Variants in ENTREP2 observed in about 807,000 individuals in gnomAD.
ENTREP2 encodes protein ENTREP2.
the ENTREP2 span, among the ~76,000 whole-genome samples, chr15:29,493,016 G>A: frequency 2.8e-5 from 4 of 144,552 alleles, no homozygotes; most frequent in Admixed American, 1.4e-4. Context: ...AAAAAAAAAA[G>A]TTTTTGTTGA....
the ENTREP2 span, among the ~76,000 whole-genome samples, chr15:29,180,930 G>A: frequency 3.3e-5 from 5 of 151,276 alleles, no homozygotes; most frequent in African/African-American, 4.9e-5. Flanking sequence ...AAAGAAAAAG[G>A]AATTTGGAAG....
At chr15:29,119,288 T>C in the ENTREP2 span, among the ~76,000 whole-genome samples, 2 of 52,784 alleles carry the variant, frequency 3.8e-5, 1 homozygote, top group Non-Finnish European at 1.5e-4. Flanking sequence ...GATGAGTTCA[T>C]GTCCTTTGTA....
the ENTREP2 span, among the ~76,000 whole-genome samples, chr15:29,283,627 A>T: frequency 6.6e-6 from 1 of 152,196 alleles, no homozygotes. Context: ...GCAGCACAGC[A>T]AACTCATGTG....
chr15:29,464,713 G>A, the ENTREP2 span, among the ~76,000 whole-genome samples: 3 of 152,196 alleles, frequency 2.0e-5, no homozygotes, highest in Non-Finnish European at 2.9e-5. Flanking sequence ...AGGAGGCGAT[G>A]TGGAGGGGCC....
the ENTREP2 span, among the ~76,000 whole-genome samples, chr15:29,284,720 G>A: frequency 6.6e-6 from 1 of 152,116 alleles, no homozygotes; most frequent in Non-Finnish European, 1.5e-5. Context: ...TCAATGATTG[G>A]ACCTGCAGTC....
the ENTREP2 span, among the ~76,000 whole-genome samples, chr15:29,542,494 C>T: frequency 1.3e-5 from 2 of 151,012 alleles, no homozygotes; most frequent in South Asian, 2.1e-4. Context: ...TTAGTAGAGA[C>T]GGGGTTTCAC....
At chr15:29,261,422 T>C in the ENTREP2 span, among the ~76,000 whole-genome samples, 1 of 152,136 alleles carries the variant, frequency 6.6e-6, no homozygotes, top group African/African-American at 2.4e-5. Context: ...CGCTTGACTG[T>C]AGTCTGAGCT....
the ENTREP2 span, among the ~76,000 whole-genome samples, chr15:29,399,930 G>A: frequency 1.3e-5 from 2 of 152,184 alleles, no homozygotes; most frequent in Non-Finnish European, 2.9e-5. Flanking sequence ...AGGAGGAAGA[G>A]GAGGGCTCAG....
At chr15:29,491,808 T>G in the ENTREP2 span, among the ~76,000 whole-genome samples, 372 of 152,326 alleles carry the variant, frequency 2.4e-3, no homozygotes, top group African/African-American at 8.7e-3. Context: ...CCAATCATGG[T>G]CATCTCCTGC....
chr15:29,523,107 G>T, the ENTREP2 span, among the ~76,000 whole-genome samples: 1 of 152,232 alleles, frequency 6.6e-6, no homozygotes, highest in East Asian at 1.9e-4. Context: ...TTGAGGCTTT[G>T]CACAAGCAGG....
chr15:29,563,240 T>C, the ENTREP2 span, among the ~76,000 whole-genome samples: 1 of 152,264 alleles, frequency 6.6e-6, no homozygotes, highest in African/African-American at 2.4e-5. Flanking sequence ...TAAATATTTA[T>C]GCTATTCTAT....
At chr15:29,551,555 A>AT in the ENTREP2 span, among the ~76,000 whole-genome samples, 1 of 152,228 alleles carries the variant, frequency 6.6e-6, no homozygotes, top group African/African-American at 2.4e-5. Flanking sequence ...ACTGTGCATC[A>AT]TAAGATACCA....
chr15:29,592,512 C>T, the ENTREP2 span, among the ~76,000 whole-genome samples: 1 of 151,314 alleles, frequency 6.6e-6, no homozygotes, highest in African/African-American at 2.4e-5. Flanking sequence ...AAGCTCACTC[C>T]CATGATAAAG....
the ENTREP2 span, among the ~76,000 whole-genome samples, chr15:29,663,614 C>CA: frequency 6.6e-6 from 1 of 151,742 alleles, no homozygotes; most frequent in South Asian, 2.1e-4. Flanking sequence ...ATCGCAAGGA[C>CA]AAAAAACCAA....
chr15:29,470,677 C>T, the ENTREP2 span, among the ~76,000 whole-genome samples: 76,894 of 151,992 alleles, frequency 0.51, 20,553 homozygotes, highest in African/African-American at 0.7. Context: ...GACTCTTCCA[C>T]AGCATCCTGA....
the ENTREP2 span, among the ~76,000 whole-genome samples, chr15:29,333,695 A>G: frequency 1.3e-5 from 2 of 152,258 alleles, no homozygotes; most frequent in African/African-American, 4.8e-5. Context: ...TGGTTATCCT[A>G]TGTTATGGGG....
chr15:29,328,014 A>G, the ENTREP2 span, among the ~76,000 whole-genome samples: 5 of 152,262 alleles, frequency 3.3e-5, no homozygotes, highest in Non-Finnish European at 7.3e-5. Context: ...TTTAATTGCC[A>G]AAAACTGTAA....
At chr15:29,603,126 A>T in the ENTREP2 span, among the ~76,000 whole-genome samples, 1 of 152,168 alleles carries the variant, frequency 6.6e-6, no homozygotes, top group African/African-American at 2.4e-5. Flanking sequence ...ATGGCAGAAG[A>T]GTCACAAAGG....
the ENTREP2 span, chr15:29,252,414 G>C: frequency 6.4e-7 from 1 of 1,551,208 alleles, no homozygotes; most frequent in Non-Finnish European, 8.7e-7. Context: ...ATTCTGACAA[G>C]AGAGAATTGA....
Sources: gnomAD v4.1 joint callset for allele counts (sites outside exome capture counted in the v4.1 genomes callset) on GRCh38, gnomAD v4.1.1 for gene constraint, MANE v1.5 for transcripts, NCBI Gene and HGNC (gene_info 2026-07-23, HGNC 2026-07-21) for gene names.